The following PPP6R2 variants were observed in gnomAD, a reference collection of about 807,000 sequenced individuals.
PPP6R2 encodes the protein protein phosphatase 6 regulatory subunit 2.
Under a neutral mutation model 100.2 loss-of-function variants are expected in PPP6R2, and 62 were observed. The observed-to-expected ratio is 0.62, with a 90% CI of 0.50 to 0.76. The LOEUF is 0.76. Among genes scored for constraint, PPP6R2 ranks in the 30% least tolerant of loss-of-function variants. The pLI, the probability that PPP6R2 is intolerant of heterozygous loss-of-function variation, is 0.00. For synonymous variants in PPP6R2, 525 were observed against 514.7 expected, an observed-to-expected ratio of 1.02 and a Z score of -0.27; for missense variants, 1,142 against 1,276.3, an observed-to-expected ratio of 0.89 and a Z score of 1.60.
At chr22:50,358,862 AC>A (rs1481413801) in intron 1 of PPP6R2, among the ~76,000 whole-genome samples, 1 of 152,006 alleles carries the variant, frequency 6.6e-6, no homozygotes, top group Non-Finnish European at 1.5e-5. Context: ...AATTAATTAA[AC>A]ATGTCTGCAG....
At chr22:50,427,254 C>T (rs1030851736) in intron 10 of PPP6R2, among the ~76,000 whole-genome samples, 3 of 150,802 alleles carry the variant, frequency 2.0e-5, no homozygotes, top group Admixed American at 6.6e-5. Context: ...TGTTCTGTTT[C>T]GTTGGTTTAT....
At chr22:50,385,981 G>A (rs2054168450) in intron 2 of PPP6R2, among the ~76,000 whole-genome samples, 1 of 145,820 alleles carries the variant, frequency 6.9e-6, no homozygotes, top group East Asian at 2.1e-4. Flanking sequence ...TCGCCACCAC[G>A]CCAGGCTAAT....
intron 1 of PPP6R2, among the ~76,000 whole-genome samples, chr22:50,349,733 T>C (rs987875200): frequency 6.7e-6 from 1 of 149,454 alleles, no homozygotes; most frequent in Non-Finnish European, 1.5e-5. Context: ...GAGAATTGCT[T>C]GAACCCGGGA....
At chr22:50,385,502 A>AT (rs2054023513) in intron 2 of PPP6R2, among the ~76,000 whole-genome samples, 1 of 132,720 alleles carries the variant, frequency 7.5e-6, no homozygotes, top group East Asian at 2.3e-4. Context: ...CCAGCCAGGG[A>AT]TTAAGTTTTT....
intron 5 of PPP6R2, among the ~76,000 whole-genome samples, chr22:50,415,358 G>A (rs975179337): frequency 2.0e-5 from 3 of 152,218 alleles, no homozygotes; most frequent in Non-Finnish European, 4.4e-5. Flanking sequence ...TCTTAGGTTA[G>A]TAATGCTTCC....
At chr22:50,389,581 T>C (rs1221691883) in intron 2 of PPP6R2, among the ~76,000 whole-genome samples, 2 of 145,642 alleles carry the variant, frequency 1.4e-5, no homozygotes, top group Admixed American at 1.4e-4. Flanking sequence ...TGAGATGGAG[T>C]CTCGCGCTGT....
chr22:50,392,624 A>C (rs12158196), intron 2 of PPP6R2, among the ~76,000 whole-genome samples: 1 of 152,078 alleles, frequency 6.6e-6, no homozygotes, highest in African/African-American at 2.4e-5. Flanking sequence ...AAAATGCAGC[A>C]TCCTTGTAGT....
At chr22:50,394,355 G>T (rs946271796) in intron 3 of PPP6R2, among the ~76,000 whole-genome samples, 1 of 152,328 alleles carries the variant, frequency 6.6e-6, no homozygotes, top group Middle Eastern at 3.4e-3. Flanking sequence ...AGCACTTTGG[G>T]AGGCTGAGGA....
intron 6 of PPP6R2, 124 bp from the exon 7 acceptor site, chr22:50,418,743 A>G (rs998481289): frequency 5.3e-6 from 4 of 754,158 alleles, no homozygotes; most frequent in Non-Finnish European, 9.1e-6. Context: ...GTGGTATTGA[A>G]CAACAACGAA....
Position 50,423,385 on chromosome 22 carries a change from G to A in PPP6R2, c.973-77G>A. The stretch of plus-strand genomic sequence containing the variant: ...AGGCTGGGTCCCAGCCTAGAGTGAT[G>A]GGCATGAGCCCAGAGACTCCAGCAG... On this transcript the variant is annotated intron_variant, in intron 9 of 23. Transcript: ENST00000612753. The surrounding 1 kb of genome is among the most constrained non-coding windows in gnomAD (Gnocchi z 4.8). The A allele has an allele frequency of 5.7e-6, 9 of 1,571,788 alleles. No homozygotes were observed. The highest frequency in any genetic ancestry group is 6.1e-6 in the Non-Finnish European group (7 of 1,148,058).
At chr22:50,388,640 G>A (rs953399257) in intron 2 of PPP6R2, among the ~76,000 whole-genome samples, 35 of 152,048 alleles carry the variant, frequency 2.3e-4, no homozygotes, top group Non-Finnish European at 2.6e-4. Flanking sequence ...TTGGGAGGCC[G>A]AGGCGGGCAG....
Position 50,444,106 on chromosome 22 carries a change from G to A in PPP6R2, c.2820G>A (p.Val940=), listed in dbSNP as rs1569503979. The change falls in exon 23 of 24, where the codon GTG becomes GTA. Residue 940 remains valine, a synonymous_variant. Coordinates refer to ENST00000612753, the MANE Select transcript of PPP6R2 (RefSeq NM_001242898.2). ...APAMVATLGT[V]TKDGKTDAPP... ...CCATGGTGGCCACCCTGGGGACAGT[G>A]ACAAAGGACGGGTGAGCAGGTTGAG... The A allele has an allele frequency of 1.2e-6, 2 of 1,612,492 alleles. No individual in the cohort carries two copies. The highest frequency in any genetic ancestry group is 1.7e-6 in the Non-Finnish European group (2 of 1,179,010).
chr22:50,404,654 C>T (rs1291561725), intron 3 of PPP6R2, among the ~76,000 whole-genome samples: 5 of 138,150 alleles, frequency 3.6e-5, no homozygotes, highest in African/African-American at 1.4e-4. Flanking sequence ...CCAGGCTAGT[C>T]TCCCACTCCT....
the PPP6R2 span, among the ~76,000 whole-genome samples, chr22:50,336,210 G>A: frequency 2.0e-5 from 3 of 151,818 alleles, no homozygotes. Flanking sequence ...GGATGGTCTC[G>A]ATCTCCTGAC....
intron 1 of PPP6R2, among the ~76,000 whole-genome samples, chr22:50,369,237 TA>T (rs201345413): frequency 2.0e-3 from 282 of 141,080 alleles, no homozygotes; most frequent in Non-Finnish European, 2.3e-3. Context: ...AAATTCCATC[TA>T]AAAAAAAAAA....
In PPP6R2 at chr22:50,440,993, C is replaced by T. The variant is rs763604954; in HGVS notation, c.2546C>T (p.Pro849Leu). Residue 849 changes from proline to leucine, a missense_variant, in exon 22 of 24, where the codon CCC (proline) becomes CTC (leucine). Pro to Leu is a moderately conservative substitution (Grantham distance 98). Transcript: ENST00000612753. Reference sequence around the variant, plus strand: ...CCCGGCCGGGAGGCCCCCCCGCTGCCCACAGTGGCCAGGACAGAGGAGGCT... The same window carrying T: ...CCCGGCCGGGAGGCCCCCCCGCTGCTCACAGTGGCCAGGACAGAGGAGGCT... Reference protein sequence around the residue: ...RGPGREAPPLPTVARTEEAVG... With the variant: ...RGPGREAPPLLTVARTEEAVG... The T allele has an allele frequency of 1.2e-4, 196 of 1,608,790 alleles. No individual in the cohort carries two copies. Among genetic ancestry groups the T allele is most frequent in the Middle Eastern group, 1.7e-4 (1 of 5,848 alleles).
upstream of PPP6R2, among the ~76,000 whole-genome samples, chr22:50,342,554 G>A (rs1470740945): frequency 1.3e-5 from 2 of 152,222 alleles, no homozygotes; most frequent in African/African-American, 4.8e-5. Context: ...GCCCAGATAC[G>A]CTTTCGCAGA....
At chr22:50,389,998 C>T (rs903772148) in intron 2 of PPP6R2, among the ~76,000 whole-genome samples, 34 of 137,582 alleles carry the variant, frequency 2.5e-4, no homozygotes, top group Admixed American at 4.4e-4. Flanking sequence ...CTTTTTTTTT[C>T]TTTTTTTTTT....
intron 4 of PPP6R2, among the ~76,000 whole-genome samples, chr22:50,407,095 C>T (rs1173195624): frequency 6.6e-6 from 1 of 152,014 alleles, no homozygotes; most frequent in Non-Finnish European, 1.5e-5. Flanking sequence ...GCCTGTAATC[C>T]CAGCACTTTG....
Sources: allele counts gnomAD v4.1 joint callset (sites outside exome capture counted in the v4.1 genomes callset), GRCh38; gene constraint gnomAD v4.1.1; non-coding constraint Gnocchi (gnomAD v3.1); transcripts MANE v1.5; gene names NCBI Gene and HGNC (gene_info 2026-07-23, HGNC 2026-07-21).